LTF: variants seen among roughly 807,000 people sequenced by gnomAD.
LTF encodes the protein lactotransferrin.
A neutral mutation model predicts 87.2 loss-of-function variants in LTF; 91 were observed. That is an observed-to-expected ratio of 1.04 (90% CI 0.88 to 1.24). The LOEUF (loss-of-function observed/expected upper bound fraction) is 1.24, where lower values mean the gene tolerates loss of function less well. Among genes scored for constraint, LTF ranks in the 50% most tolerant of loss-of-function variants. The pLI is 0.00. For synonymous variants in LTF, 378 were observed against 356.1 expected (o/e 1.06, Z -0.69); for missense variants, 901 against 904.3 (o/e 1.00, Z 0.05).
Position 46,450,044 on chromosome 3 carries a change from T to C in LTF, c.883-16A>G. On this transcript the variant is annotated splice_polypyrimidine_tract_variant and intron_variant, in intron 7 of 16. Transcript: ENST00000231751. ...CAAACTTTTCCTAATTAAGAAAAAATAGAATTATGGTGTCAATGGTAAATA... is the reference window on the plus strand; with the variant it reads ...CAAACTTTTCCTAATTAAGAAAAAACAGAATTATGGTGTCAATGGTAAATA... The C allele has an allele frequency of 6.4e-7, 1 of 1,571,250 alleles. No homozygotes were observed. The highest frequency in any genetic ancestry group is 8.6e-7 in the Non-Finnish European group (1 of 1,160,398).
chr3:46,464,602 C>G (rs1692924214), intron 1 of LTF, among the ~76,000 whole-genome samples: 1 of 152,238 alleles, frequency 6.6e-6, no homozygotes, highest in African/African-American at 2.4e-5. Flanking sequence ...CTGAGCAGAG[C>G]TAGGCGTGCC....
intron 2 of LTF, among the ~76,000 whole-genome samples, chr3:46,456,999 G>C (rs1443795039): frequency 1.3e-5 from 2 of 152,150 alleles, no homozygotes; most frequent in Non-Finnish European, 2.9e-5. Context: ...CTCATAGGGA[G>C]TGCAACCTAG....
At chr3:46,465,616 C>CT (rs1373834407), upstream of LTF, among the ~76,000 whole-genome samples, 3 of 143,736 alleles carry the variant, frequency 2.1e-5, no homozygotes, top group Non-Finnish European at 3.1e-5. Context: ...TTTTTTTTGT[C>CT]TTTTTTTTCT....
intron 1 of LTF, among the ~76,000 whole-genome samples, chr3:46,482,686 AGG>A (rs1485715008): frequency 2.4e-5 from 3 of 124,166 alleles, no homozygotes; most frequent in African/African-American, 6.4e-5. Context: ...GAAGGAAGGA[AGG>A]AAGGAAGGAA....
chr3:46,474,476 C>G (rs1465328748), intron 1 of LTF, among the ~76,000 whole-genome samples: 1 of 152,098 alleles, frequency 6.6e-6, no homozygotes, highest in African/African-American at 2.4e-5. Flanking sequence ...TCTGATAGAA[C>G]TAGAAAGAGA....
At chr3:46,448,671 G>A (rs773405931) in intron 9 of LTF, among the ~76,000 whole-genome samples, 192 bp downstream of exon 9, 2 of 152,184 alleles carry the variant, frequency 1.3e-5, no homozygotes, top group Non-Finnish European at 2.9e-5. Flanking sequence ...TATAACCAGA[G>A]GAGTGGGAAA....
intron 6 of LTF, among the ~76,000 whole-genome samples, chr3:46,451,321 A>G (rs1041853678): frequency 1.3e-5 from 2 of 152,276 alleles, no homozygotes; most frequent in Non-Finnish European, 2.9e-5. Flanking sequence ...ACTTACGAAC[A>G]TAAATGCAAA....
intron 6 of LTF, among the ~76,000 whole-genome samples, chr3:46,451,886 C>T (rs565137203): frequency 2.6e-5 from 4 of 152,300 alleles, no homozygotes; most frequent in South Asian, 2.1e-4. Flanking sequence ...TGAGACACCA[C>T]GCCTGGCCAT....
At chr3:46,470,961 C>T (rs1156664663) in intron 1 of LTF, among the ~76,000 whole-genome samples, 1 of 152,204 alleles carries the variant, frequency 6.6e-6, no homozygotes, top group Non-Finnish European at 1.5e-5. Flanking sequence ...CATGAGCCCC[C>T]ACTGTGTGCA....
intron 2 of LTF, 136 bp from the exon 3 acceptor site, chr3:46,456,534 TC>T (rs1702940308): frequency 1.6e-6 from 1 of 635,144 alleles, no homozygotes; most frequent in African/African-American, 1.8e-5. Context: ...TCCCCTCACT[TC>T]CTATGAGAGA....
At chr3:46,482,706 A>G (rs1559614936) in intron 1 of LTF, among the ~76,000 whole-genome samples, 16 of 117,664 alleles carry the variant, frequency 1.4e-4, no homozygotes, top group South Asian at 3.2e-4. Context: ...GAAGGAAGGA[A>G]AGAAAGAAAG....
At chr3:46,468,196 A>G, upstream of LTF, 1 of 456,782 alleles carries the variant, frequency 2.2e-6, no homozygotes, top group Non-Finnish European at 4.4e-6. Context: ...AGTGAGGGTC[A>G]GGGCTGCCTA....
At chr3:46,453,510 C>G (rs778710632) in intron 6 of LTF, among the ~76,000 whole-genome samples, 7 of 151,490 alleles carry the variant, frequency 4.6e-5, no homozygotes, top group Non-Finnish European at 8.8e-5. Context: ...TGGGTGTTGT[C>G]TCTTTCTCTG....
Position 46,445,294 on chromosome 3 carries a change from G to A in LTF, c.1500C>T (p.Gly500=), listed in dbSNP as rs754853124. Residue 500 remains glycine, a synonymous_variant, in exon 12 of 17, where the codon GGC becomes GGT. Transcript: ENST00000231751. The part of the protein sequence containing the change: ...IPMGLLFNQT[G]SCKFDEYFSQ... ...GGAACTCCTTACCAAATTTGCAGGA[G>A]CCCGTCTGGTTGAAGAGCAGGCCCA... is the stretch of plus-strand genomic sequence containing the variant. 6.2e-7 allele frequency: 1 copy of A among 1,609,298 alleles called. No individual in the cohort carries two copies. Among genetic ancestry groups the A allele is most frequent in the South Asian group, 1.1e-5 (1 of 90,528 alleles).
chr3:46,473,927 A>G (rs528316178), intron 1 of LTF, among the ~76,000 whole-genome samples: 3 of 152,358 alleles, frequency 2.0e-5, no homozygotes, highest in African/African-American at 4.8e-5. Context: ...TGTACTAAGT[A>G]ATACCTACGG....
Position 46,459,141 on chromosome 3 carries a change from G to A in LTF, c.207+515C>T, listed in dbSNP as rs570852484. On this transcript the variant is annotated intron_variant, in intron 2 of 16. Transcript: ENST00000231751. ...AGATCTTACATCTCAAAAAATAAAA[G>A]GAATCAGAAATCATATACAAGTCAT... Among the ~76,000 whole-genome samples, 3 of 152,256 alleles carry A rather than the reference G, an allele frequency of 2.0e-5. No individual in the cohort carries two copies. In the South Asian group the frequency reaches 6.2e-4, roughly 32 times the overall value.
intron 6 of LTF, 144 bp from the exon 7 acceptor site, chr3:46,450,817 C>T (rs1702786235): frequency 2.9e-6 from 2 of 691,256 alleles, no homozygotes; most frequent in South Asian, 3.6e-5. Flanking sequence ...GGGGTTTGCT[C>T]CAGAACACTC....
intron 12 of LTF, among the ~76,000 whole-genome samples, chr3:46,443,912 C>T (rs2106842996): frequency 6.6e-6 from 1 of 152,288 alleles, no homozygotes; most frequent in East Asian, 1.9e-4. Flanking sequence ...TGTGAGTTGC[C>T]TAGTCCAGGA....
At chr3:46,457,191 G>A (rs1390526377) in intron 2 of LTF, among the ~76,000 whole-genome samples, 1 of 152,198 alleles carries the variant, frequency 6.6e-6, no homozygotes, top group African/African-American at 2.4e-5. Context: ...AGGTGGTGGG[G>A]ACCCCTGGGA....
Sources: allele counts gnomAD v4.1 joint callset (sites outside exome capture counted in the v4.1 genomes callset), GRCh38; gene constraint gnomAD v4.1.1; transcripts MANE v1.5; gene names NCBI Gene and HGNC (gene_info 2026-07-23, HGNC 2026-07-21).